MSH4: variants seen among roughly 807,000 people sequenced by gnomAD.
The protein encoded by MSH4 is mutS protein homolog 4.
Under a neutral mutation model 113.7 loss-of-function variants are expected in MSH4, and 106 were observed. That is an observed-to-expected ratio of 0.93 (90% CI 0.80 to 1.10). The LOEUF is 1.10. MSH4 is among the 50% of genes least tolerant of loss of function. The probability of loss-of-function intolerance (pLI) is 0.00; values close to 1 mark genes in which losing one functional copy is unlikely to be tolerated. For missense variants in MSH4, 1,061 were observed against 1,093.7 expected (o/e 0.97, Z 0.42); for synonymous variants, 368 against 380.2 (o/e 0.97, Z 0.37).
intron 17 of MSH4, among the ~76,000 whole-genome samples, chr1:75,897,082 T>G (rs1284007081): frequency 6.6e-6 from 1 of 152,178 alleles, no homozygotes; most frequent in African/African-American, 2.4e-5. Flanking sequence ...ACCTACCTAA[T>G]TTGTCACTCA....
intron 19 of MSH4, among the ~76,000 whole-genome samples, chr1:75,908,988 A>C (rs1652730735): frequency 3.9e-5 from 6 of 152,058 alleles, no homozygotes; most frequent in Admixed American, 3.3e-4. Context: ...ATCCACACTG[A>C]TTTGGTGTCT....
chr1:75,875,832 A>ATAAG (rs71071970), intron 9 of MSH4, among the ~76,000 whole-genome samples: 40,521 of 151,688 alleles, frequency 0.27, 6,952 homozygotes, highest in East Asian at 0.68. Flanking sequence ...TTATGGGTAA[A>ATAAG]TAAGTGTTAA....
intron 9 of MSH4, among the ~76,000 whole-genome samples, chr1:75,868,710 A>G (rs894753489): frequency 6.6e-6 from 1 of 152,148 alleles, no homozygotes; most frequent in Non-Finnish European, 1.5e-5. Context: ...GTAGTGAATA[A>G]GTCTCACAAG....
chr1:75,836,108 C>A (rs1173851110), intron 7 of MSH4, among the ~76,000 whole-genome samples: 1 of 152,066 alleles, frequency 6.6e-6, no homozygotes, highest in African/African-American at 2.4e-5. Flanking sequence ...CTAGCTCTTT[C>A]ACATTGATTT....
intron 4 of MSH4, among the ~76,000 whole-genome samples, chr1:75,811,538 T>C (rs1394101059): frequency 2.0e-5 from 3 of 152,178 alleles, no homozygotes; most frequent in Non-Finnish European, 2.9e-5. Context: ...CCTTTTTCTA[T>C]AGGGAATTTA....
chr1:75,899,052 A>G (rs1652448732), intron 18 of MSH4, among the ~76,000 whole-genome samples: 2 of 152,206 alleles, frequency 1.3e-5, no homozygotes, highest in Admixed American at 1.3e-4. Context: ...AAAGCAATAA[A>G]TACAGTAAGC....
intron 17 of MSH4, among the ~76,000 whole-genome samples, chr1:75,892,401 T>TCTCTCA (rs957920778): frequency 6.6e-6 from 1 of 152,016 alleles, no homozygotes; most frequent in African/African-American, 2.4e-5. Flanking sequence ...TCTCTTTCTC[T>TCTCTCA]CTCTCACTCT....
intron 18 of MSH4, among the ~76,000 whole-genome samples, chr1:75,898,503 A>G (rs1297559762): frequency 6.7e-6 from 1 of 148,794 alleles, no homozygotes; most frequent in Non-Finnish European, 1.5e-5. Context: ...TTAAAAGAGA[A>G]TGTATTACCA....
Position 75,912,751 on chromosome 1 carries a change from C to CT in MSH4, c.2675_2676insT (p.Thr893HisfsTer2). 1 of 1,589,190 alleles carries CT rather than the reference C, an allele frequency of 6.3e-7. No homozygotes were observed. The highest frequency in any genetic ancestry group is 8.6e-7 in the Non-Finnish European group (1 of 1,169,222). ...AGACAGAGAGCTGTGTACCATCTAG[C>CT]CACTAGGCTTGTTCAAACTGCTCGA... On this transcript the variant is annotated frameshift_variant, in exon 20 of 20. Transcript: ENST00000263187. LOFTEE classifies it high-confidence loss of function.
At chr1:75,821,764 C>G (rs1650419368) in intron 6 of MSH4, among the ~76,000 whole-genome samples, 2 of 152,142 alleles carry the variant, frequency 1.3e-5, no homozygotes, top group South Asian at 4.1e-4. Flanking sequence ...CTGTGCCACC[C>G]TGTCCAGTTA....
intron 17 of MSH4, among the ~76,000 whole-genome samples, chr1:75,895,504 A>G (rs1652359756): frequency 1.3e-5 from 2 of 152,170 alleles, no homozygotes; most frequent in South Asian, 2.1e-4. Context: ...GTAATTACCA[A>G]CTACAACTCT....
At chr1:75,811,241 A>G (rs1468767711) in intron 4 of MSH4, among the ~76,000 whole-genome samples, 1 of 152,178 alleles carries the variant, frequency 6.6e-6, no homozygotes, top group Non-Finnish European at 1.5e-5. Flanking sequence ...TAGTAACTTT[A>G]TATTTAGTGT....
intron 6 of MSH4, among the ~76,000 whole-genome samples, chr1:75,818,157 T>TC (rs1349201437): frequency 1.3e-5 from 2 of 152,198 alleles, no homozygotes; most frequent in Admixed American, 6.5e-5. Flanking sequence ...TTAATAGTAG[T>TC]CATACTGTGA....
intron 19 of MSH4, among the ~76,000 whole-genome samples, chr1:75,904,647 A>C (rs552097932): frequency 6.6e-6 from 1 of 152,034 alleles, no homozygotes; most frequent in East Asian, 1.9e-4. Context: ...AATAGCTGAG[A>C]CCACAGGTAC....
intron 14 of MSH4, among the ~76,000 whole-genome samples, chr1:75,882,806 G>A (rs1001336760): frequency 9.9e-5 from 15 of 151,848 alleles, no homozygotes; most frequent in South Asian, 2.1e-4. Context: ...TTTTGCCACC[G>A]TATTCCAGCC....
intron 18 of MSH4, among the ~76,000 whole-genome samples, chr1:75,899,206 T>C (rs893849302): frequency 3.9e-5 from 6 of 152,200 alleles, no homozygotes; most frequent in African/African-American, 1.4e-4. Context: ...GTCTCATTGA[T>C]TTAGGTGGGT....
At chr1:75,879,224 C>G in intron 12 of MSH4, 96 bp downstream of exon 12, 2 of 1,144,842 alleles carry the variant, frequency 1.7e-6, no homozygotes, top group South Asian at 1.3e-5. Flanking sequence ...AGCCAAATTT[C>G]TGAATGTTCT....
At position 75,902,788 on chromosome 1, in the gene MSH4, C is replaced by T. The variant is rs1333663284; in HGVS notation, c.2619+3082C>T. 2.3e-5 allele frequency among the ~76,000 whole-genome samples: 3 copies of T among 128,008 alleles called. No homozygotes were observed. In the East Asian group the frequency reaches 6.7e-4, roughly 28 times the overall value. The allele number at this position is 128,008 out of a possible 152,430, so 84.0% of individuals were successfully genotyped here. On this transcript the variant is annotated intron_variant, in intron 19 of 19. Coordinates refer to ENST00000263187, the MANE Select transcript of MSH4 (RefSeq NM_002440.4). The stretch of plus-strand genomic sequence containing the variant: ...GTAAGGTTGAACTAATTTACATTCC[C>T]ACCACCTGTTGGCTATTTGTATGTC...
rs754962671 is a variant in MSH4 at position 75,899,689 on chromosome 1, A to G, written c.2602A>G (p.Ile868Val). The G allele has an allele frequency of 1.3e-6, 2 of 1,499,910 alleles. No individual in the cohort carries two copies. Among genetic ancestry groups the G allele is most frequent in the South Asian group, 1.4e-5 (1 of 69,466 alleles). 92.9% of individuals were successfully genotyped at this position (1,499,910 alleles called of 1,614,324 possible). Residue 868 changes from isoleucine (I) to valine (V), a missense_variant, in exon 19 of 20, where the codon ATT (isoleucine) becomes GTT (valine). By Grantham distance (29) the Ile-to-Val change is conservative. Transcript: ENST00000263187. ...GGATGCCAAGGAAATCACAACTCAAATTACGAGACAAATTTTGGTAAGAAA... is the reference window on the plus strand; with the variant it reads ...GGATGCCAAGGAAATCACAACTCAAGTTACGAGACAAATTTTGGTAAGAAA... ...VLDAKEITTQ[I>V]TRQILQNQRS...
Sources: gnomAD v4.1 joint callset for allele counts (sites outside exome capture counted in the v4.1 genomes callset) on GRCh38, gnomAD v4.1.1 for gene constraint, MANE v1.5 for transcripts, NCBI Gene and HGNC (gene_info 2026-07-23, HGNC 2026-07-21) for gene names.